The following KLK12 variants were observed in gnomAD, a reference collection of about 807,000 sequenced individuals.
The protein encoded by KLK12 is kallikrein-12.
Under a neutral mutation model 20.0 loss-of-function variants are expected in KLK12, and 23 were observed. The ratio of observed to expected loss-of-function variants is 1.15; its 90% confidence interval spans 0.83 to 1.63. KLK12 has a LOEUF of 1.63. Ranked by LOEUF, KLK12 falls within the 40% of genes most tolerant of loss-of-function variation. The probability of loss-of-function intolerance (pLI) is 0.00; values close to 1 mark genes in which losing one functional copy is unlikely to be tolerated. For synonymous variants in KLK12, 147 were observed against 141.9 expected (o/e 1.04, Z -0.25); for missense variants, 351 against 338.6 (o/e 1.04, Z -0.29).
chr19:51,033,803 C>T, intron 3 of KLK12, 177 bp downstream of exon 3: 1 of 701,936 alleles, frequency 1.4e-6, no homozygotes, highest in South Asian at 1.7e-5. Flanking sequence ...ACATACCTCA[C>T]CCTGCCCAGC....
Position 51,029,133 on chromosome 19 carries a change from T to A in KLK12, c.*169A>T, listed in dbSNP as rs764363723. The A allele has an allele frequency of 6.2e-7, 1 of 1,612,618 alleles. No homozygotes were observed. Among genetic ancestry groups the A allele is most frequent in the South Asian group, 1.1e-5 (1 of 91,050 alleles). On this transcript the variant is annotated 3_prime_UTR_variant, in exon 6 of 6. Coordinates refer to ENST00000684732, the MANE Select transcript of KLK12 (RefSeq NM_001370125.1). The stretch of plus-strand genomic sequence containing the variant: ...TATTTATTCCAGACTATTGCACACT[T>A]CTCTCACCCCGCTCGTGGGTCTTAG...
chr19:51,034,835 G>T lies in KLK12; in HGVS notation c.-49C>A. On this transcript the variant is annotated 5_prime_UTR_variant, in exon 1 of 6. Transcript: ENST00000684732. ...TCTCTTTGTCTGCCAGATCCTCTAC[G>T]TGGCTGTCACTGTTTGGCCTGTCCT... The T allele has an allele frequency of 6.9e-7, 1 of 1,443,610 alleles. No individual in the cohort carries two copies. 89.4% of individuals were successfully genotyped at this position (1,443,610 alleles called of 1,614,324 possible). A position where few individuals can be genotyped will look rare whatever the true frequency, so the allele number is the denominator to read the frequency against.
At chr19:51,031,595 C>CATATATATATAT (rs1555789322) in intron 4 of KLK12, among the ~76,000 whole-genome samples, 42 of 120,134 alleles carry the variant, frequency 3.5e-4, no homozygotes, top group East Asian at 1.0e-3. Context: ...CCTATACATA[C>CATATATATATAT]ATATATATAT....
In KLK12 at chr19:51,029,321, A is replaced by G. The variant is rs973833335; in HGVS notation, c.728T>C (p.Met243Thr). The change falls in exon 6 of 6, where the codon ATG (methionine) becomes ACG (threonine). Residue 243 changes from methionine (M) to threonine (T), a missense_variant. Coordinates refer to ENST00000684732, the MANE Select transcript of KLK12 (RefSeq NM_001370125.1). ...AACAGGTCAGTTGTTCCTCATGATC[A>G]TCCGGATCCAGTCCACATACTTGCA... Reference protein sequence around the residue: ...YICKYVDWIRMIMRNN With the variant: ...YICKYVDWIRTIMRNN The G allele has an allele frequency of 3.7e-6, 6 of 1,613,982 alleles. No individual in the cohort carries two copies. The highest frequency in any genetic ancestry group is 5.1e-6 in the Non-Finnish European group (6 of 1,180,028).
intron 3 of KLK12, among the ~76,000 whole-genome samples, chr19:51,032,977 G>T (rs1037855907): frequency 6.6e-6 from 1 of 152,058 alleles, no homozygotes; most frequent in African/African-American, 2.4e-5. Context: ...ACTTTGGGAG[G>T]TCAAGGCAGG....
rs1454645075 is a variant in KLK12 at position 51,031,026 on chromosome 19, T to C, written c.458-105A>G. 69 of 1,333,502 alleles carry C rather than the reference T, an allele frequency of 5.2e-5. No homozygotes were observed. In the East Asian group the frequency reaches 1.6e-3, roughly 30 times the overall value. The allele number at this position is 1,333,502 out of a possible 1,614,324, so 82.6% of individuals were successfully genotyped here. On this transcript the variant is annotated intron_variant, in intron 4 of 5. Transcript: ENST00000684732. ...CCATCCATGTCAATACCCCTGCCCC[T>C]CACCGACCTGTACTACAATCCCGAA...
intron 4 of KLK12, 114 bp from the exon 5 acceptor site, chr19:51,031,035 T>C: frequency 1.6e-6 from 2 of 1,215,472 alleles, no homozygotes; most frequent in Non-Finnish European, 2.4e-6. Context: ...CTCACCGACC[T>C]GTACTACAAT....
Position 51,029,176 on chromosome 19 carries a change from A to G in KLK12, c.*126T>C, listed in dbSNP as rs2091523160. Reference sequence around the variant, plus strand: ...GGTCTTAGAAGGGCTGGCAGGAGTTAAAGTTCCAAGAAGTTCCCAGGCCAA... The same window carrying G: ...GGTCTTAGAAGGGCTGGCAGGAGTTGAAGTTCCAAGAAGTTCCCAGGCCAA... On this transcript the variant is annotated 3_prime_UTR_variant, in exon 6 of 6. Coordinates refer to ENST00000684732, the MANE Select transcript of KLK12 (RefSeq NM_001370125.1). 1.2e-6 allele frequency: 2 copies of G among 1,614,050 alleles called. No individual in the cohort carries two copies. The highest frequency in any genetic ancestry group is 1.7e-6 in the Non-Finnish European group (2 of 1,180,038).
At chr19:51,032,186 G>T in intron 3 of KLK12, 51 bp from the exon 4 acceptor site, 1 of 1,508,364 alleles carries the variant, frequency 6.6e-7, no homozygotes, top group Non-Finnish European at 8.8e-7. Context: ...CCCCCACCTT[G>T]CACCCCTCCA....
chr19:51,034,445 G>A (rs761728287), intron 2 of KLK12, 140 bp downstream of exon 2: 1 of 1,494,458 alleles, frequency 6.7e-7, no homozygotes, highest in Non-Finnish European at 8.9e-7. Flanking sequence ...GCAGGTAAAT[G>A]GAGGCACAGA....
chr19:51,033,220 CAAAA>C (rs11285439), intron 3 of KLK12, among the ~76,000 whole-genome samples: 1 of 109,900 alleles, frequency 9.1e-6, no homozygotes, highest in Non-Finnish European at 1.9e-5. Flanking sequence ...ACTCTGTCTC[CAAAA>C]AAAAAAAAAA....
At chr19:51,029,741 A>G (rs1320864374) in intron 5 of KLK12, among the ~76,000 whole-genome samples, 1 of 147,552 alleles carries the variant, frequency 6.8e-6, no homozygotes, top group Non-Finnish European at 1.5e-5. Context: ...GAGAGAGCAC[A>G]GTCATTAATG....
At position 51,034,837 on chromosome 19, in the gene KLK12, G is replaced by A; in HGVS notation, c.-51C>T. 6.9e-7 allele frequency: 1 copy of A among 1,441,398 alleles called. No homozygotes were observed. Among genetic ancestry groups the A allele is most frequent in the Non-Finnish European group, 9.1e-7 (1 of 1,098,202 alleles). The allele number at this position is 1,441,398 out of a possible 1,614,324, so 89.3% of individuals were successfully genotyped here. A position where few individuals can be genotyped will look rare whatever the true frequency, so the allele number is the denominator to read the frequency against. Reference sequence around the variant, plus strand: ...TCTTTGTCTGCCAGATCCTCTACGTGGCTGTCACTGTTTGGCCTGTCCTCG... The same window carrying A: ...TCTTTGTCTGCCAGATCCTCTACGTAGCTGTCACTGTTTGGCCTGTCCTCG... On this transcript the variant is annotated 5_prime_UTR_variant, in exon 1 of 6. Transcript: ENST00000684732.
At chr19:51,033,358 G>A (rs1340647256) in intron 3 of KLK12, among the ~76,000 whole-genome samples, 4 of 152,194 alleles carry the variant, frequency 2.6e-5, no homozygotes, top group South Asian at 4.1e-4. Flanking sequence ...GCTCACACCT[G>A]TAATCCCAGC....
chr19:51,030,199 C>CT (rs2091541159), intron 5 of KLK12: 1 of 150,858 alleles, frequency 6.6e-6, no homozygotes, highest in South Asian at 2.2e-4. Flanking sequence ...GTAACCCCTG[C>CT]CCCATCTTTC....
Position 51,034,031 on chromosome 19 carries a change from C to T in KLK12, c.146G>A (p.Gly49Asp), listed in dbSNP as rs1393403012. ...LFEGTSLRCG[G>D]VLIDHRWVLT... Reference sequence around the variant, plus strand: ...GACCCACCTGTGGTCAATAAGGACACCCCCGCAGCGCAGGCTGGTGCCCTC... The same window carrying T: ...GACCCACCTGTGGTCAATAAGGACATCCCCGCAGCGCAGGCTGGTGCCCTC... The change falls in exon 3 of 6, where the codon GGT (glycine) becomes GAT (aspartate). Residue 49 changes from glycine (G) to aspartate (D), a missense_variant. By Grantham distance (94) the Gly-to-Asp change is moderately conservative. Transcript: ENST00000684732. 2 of 1,606,040 alleles carry T rather than the reference C, an allele frequency of 1.2e-6. No homozygotes were observed. Among genetic ancestry groups the T allele is most frequent in the East Asian group, 2.2e-5 (1 of 44,654 alleles).
chr19:51,031,927 C>G lies in KLK12; in HGVS notation c.406G>C (p.Ala136Pro). 6.2e-7 allele frequency: 1 copy of G among 1,613,374 alleles called. No homozygotes were observed. The highest frequency in any genetic ancestry group is 8.5e-7 in the Non-Finnish European group (1 of 1,179,656). Residue 136 changes from alanine (A) to proline (P), a missense_variant, in exon 4 of 6, where the codon GCT becomes CCT. Coordinates refer to ENST00000684732, the MANE Select transcript of KLK12 (RefSeq NM_001370125.1). ...PLPLPNDCATAGTECHVSGWG... is the reference protein window; with the variant it reads ...PLPLPNDCATPGTECHVSGWG... The stretch of plus-strand genomic sequence containing the variant: ...CCTGAGACGTGGCACTCGGTGCCAG[C>G]GGTTGCACAGTCATTGGGCAGGGGC...
At chr19:51,030,442 C>A (rs1278694109) in intron 5 of KLK12, among the ~76,000 whole-genome samples, 1 of 151,660 alleles carries the variant, frequency 6.6e-6, no homozygotes, top group Non-Finnish European at 1.5e-5. Context: ...CTCCGCCTCC[C>A]GGGATCAAGC....
At chr19:51,030,629 T>C (rs2091546518) in intron 5 of KLK12, among the ~76,000 whole-genome samples, 159 bp downstream of exon 5, 1 of 151,996 alleles carries the variant, frequency 6.6e-6, no homozygotes, top group South Asian at 2.1e-4. Context: ...GGATTACAGG[T>C]GTGAGCCTCC....
Sources: gnomAD v4.1 joint callset for allele counts (sites outside exome capture counted in the v4.1 genomes callset) on GRCh38, gnomAD v4.1.1 for gene constraint, MANE v1.5 for transcripts, NCBI Gene and HGNC (gene_info 2026-07-23, HGNC 2026-07-21) for gene names.